SLC22A6: variants seen among roughly 807,000 people sequenced by gnomAD.
SLC22A6 encodes the protein PAH transporter.
Under a neutral mutation model 56.7 loss-of-function variants are expected in SLC22A6, and 45 were observed. The observed-to-expected ratio is 0.79, with a 90% CI of 0.63 to 1.02. The LOEUF is 1.02. Ranked by LOEUF, SLC22A6 falls within the 50% of genes least tolerant of loss-of-function variation. The probability of loss-of-function intolerance (pLI) is 0.00; values close to 1 mark genes in which losing one functional copy is unlikely to be tolerated. For synonymous variants in SLC22A6, 291 were observed against 295.9 expected (o/e 0.98, Z 0.17); for missense variants, 606 against 713.8 (o/e 0.85, Z 1.72).
At chr11:62,981,486 T>G in intron 4 of SLC22A6, 103 bp from the exon 5 acceptor site, 1 of 742,518 alleles carries the variant, frequency 1.3e-6, no homozygotes, top group Middle Eastern at 3.8e-4. Flanking sequence ...GGGATTTTAT[T>G]TAAGGTTGGG....
rs2135099950 is a variant in SLC22A6, at chr11:62,983,110, T to C, written c.628+427A>G. On this transcript the variant is annotated intron_variant, in intron 3 of 9. Coordinates refer to ENST00000360421, the MANE Select transcript of SLC22A6 (RefSeq NM_153276.3). The surrounding 1 kb of genome is among the most constrained non-coding windows in gnomAD (Gnocchi z 4.5). ...CCCAGGCTGGAGTGCAGTGGCGCAA[T>C]CTCCGCTCACTGAAAGCTCCGCCTC... Among the ~76,000 whole-genome samples, 1 of 151,460 alleles carries C rather than the reference T, an allele frequency of 6.6e-6. No individual in the cohort carries two copies. Among genetic ancestry groups the C allele is most frequent in the Middle Eastern group, 3.4e-3 (1 of 290 alleles).
At chr11:62,980,016 A>C in intron 6 of SLC22A6, 68 bp from the exon 7 acceptor site, 2 of 1,134,782 alleles carry the variant, frequency 1.8e-6, no homozygotes, top group Admixed American at 1.8e-5. Flanking sequence ...CTTTCAAAAC[A>C]GTGGGGGAAC....
rs1243976303 is a variant in SLC22A6, at chr11:62,979,828, G to A, written c.1158C>T (p.Phe386=). 2 of 1,614,080 alleles carry A rather than the reference G, an allele frequency of 1.2e-6. No individual in the cohort carries two copies. The highest frequency in any genetic ancestry group is 2.7e-5 in the African/African-American group (2 of 74,924). The part of the protein sequence containing the change: ...AVDLPAKLVG[F]LVINSLGRRP... ...GGCGACCCAGGGAGTTGATGACAAG[G>A]AAGCCCACAAGCTTGGCAGGCAGGT... The change falls in exon 7 of 10, where the codon TTC becomes TTT. Residue 386 remains phenylalanine, a synonymous_variant. Coordinates refer to ENST00000360421, the MANE Select transcript of SLC22A6 (RefSeq NM_153276.3).
intron 4 of SLC22A6, 140 bp from the exon 5 acceptor site, chr11:62,981,523 T>C (rs1248098717): frequency 3.1e-6 from 2 of 639,888 alleles, no homozygotes; most frequent in Non-Finnish European, 5.4e-6. Flanking sequence ...CAAATCCCTC[T>C]CTCTAGGACC....
In SLC22A6 at chr11:62,983,264, T is replaced by G. The variant is rs1415236748; in HGVS notation, c.628+273A>C. Among the ~76,000 whole-genome samples the G allele has an allele frequency of 2.0e-5, 3 of 152,166 alleles. No homozygotes were observed. The highest frequency in any genetic ancestry group is 4.4e-5 in the Non-Finnish European group (3 of 68,046). ...TTTCACCATGTTAGCCAGGATGGTC[T>G]CGATCTCCTGACCTCGTGATCTGCC... On this transcript the variant is annotated intron_variant, in intron 3 of 9. Transcript: ENST00000360421. The surrounding 1 kb of genome is among the most constrained non-coding windows in gnomAD (Gnocchi z 4.5).
rs987499794 is a variant in SLC22A6, at chr11:62,984,883, C to T, written c.-193G>A. ...TCCTTGGCTGCTCCTCCTTCTTCCC[C>T]GGTCTCCCTGATCTGTCCCTCCCTT... On this transcript the variant is annotated 5_prime_UTR_variant, in exon 1 of 10. Transcript: ENST00000360421. 34 of 602,690 alleles carry T rather than the reference C, an allele frequency of 5.6e-5. No homozygotes were observed. The highest frequency in any genetic ancestry group is 1.2e-4 in the Admixed American group (4 of 33,076). 37.3% of individuals were successfully genotyped at this position (602,690 alleles called of 1,614,324 possible). A position where few individuals can be genotyped will look rare whatever the true frequency, so the allele number is the denominator to read the frequency against.
At position 62,981,940 on chromosome 11, in the gene SLC22A6, G is replaced by T; in HGVS notation, c.699C>A (p.Gly233=). 6.2e-7 allele frequency: 1 copy of T among 1,614,118 alleles called. No homozygotes were observed. The change falls in exon 4 of 10, where the codon GGC becomes GGA. Residue 233 remains glycine (G), a synonymous_variant. Coordinates refer to ENST00000360421, the MANE Select transcript of SLC22A6 (RefSeq NM_153276.3). ...AGGCCACACCAGCCAGGAGGAACTG[G>T]CCCAGGCTGTAGACATAGCCAATCA... is the stretch of plus-strand genomic sequence containing the variant. ...GTLIGYVYSL[G]QFLLAGVAYA...
In SLC22A6 at chr11:62,976,948, C is replaced by G. The variant is rs545210159; in HGVS notation, c.1566-67G>C. 5 of 1,572,804 alleles carry G rather than the reference C, an allele frequency of 3.2e-6. No homozygotes were observed. The African/African-American group carries it at 6.7e-5, about 21-fold the overall frequency. On this transcript the variant is annotated intron_variant, in intron 9 of 9. Coordinates refer to ENST00000360421, the MANE Select transcript of SLC22A6 (RefSeq NM_153276.3). ...CCAGGCCAGGGCCGGGATATGGAGG[C>G]TCCCAGGGGGTCTCCGCTCAGCTAT...
rs753860246 is a variant in SLC22A6, at chr11:62,984,610, G to A, written c.81C>T (p.Pro27=). The A allele has an allele frequency of 6.2e-6, 10 of 1,613,542 alleles. No homozygotes were observed. Among genetic ancestry groups the A allele is most frequent in the East Asian group, 4.5e-5 (2 of 44,874 alleles). The stretch of plus-strand genomic sequence containing the variant: ...TGTTGTGAGAAGCCATCAGGAGCAG[G>A]GGGAGGACCACCAGGGTGACCTGGA... ...QQIQVTLVVL[P]LLLMASHNTL... The change falls in exon 1 of 10, where the codon CCC becomes CCT. Residue 27 remains proline (P), a synonymous_variant. Transcript: ENST00000360421.
Position 62,981,391 on chromosome 11 carries a change from CGGGGGT to C in SLC22A6, c.798-14_798-9del. 283 of 305,510 alleles carry C rather than the reference CGGGGGT, an allele frequency of 9.3e-4. No individual in the cohort carries two copies. The highest frequency in any genetic ancestry group is 1.3e-3 in the Non-Finnish European group (258 of 197,090). 18.9% of individuals were successfully genotyped at this position (305,510 alleles called of 1,614,324 possible). On this transcript the variant is annotated splice_polypyrimidine_tract_variant and intron_variant, in intron 4 of 9. Transcript: ENST00000360421. ...GCCGACTCAATGAAGAACCTGGGAG[CGGGGGT>C]GGGGGTGGGTGTCAGCATGGCTTCA...
chr11:62,981,435 TG>T, intron 4 of SLC22A6, 52 bp from the exon 5 acceptor site: 2 of 185,394 alleles, frequency 1.1e-5, no homozygotes, highest in Non-Finnish European at 8.4e-6. Flanking sequence ...TCCAGTCAGC[TG>T]GGTGGGGGGC....
rs756766644 is a variant in SLC22A6 at position 62,981,279 on chromosome 11, CCTT to C, written c.899_901del (p.Glu300del). 1.9e-6 allele frequency: 3 copies of C among 1,609,496 alleles called. No homozygotes were observed. The highest frequency in any genetic ancestry group is 2.5e-6 in the Non-Finnish European group (3 of 1,178,186). ...TCTCACCTCCATACTCAATTTGGCT[CCTT>C]CTTCCCGCTTCCCATTGATCCGGGC... On this transcript the variant is annotated inframe_deletion, in exon 5 of 10. Transcript: ENST00000360421.
rs1190816027 is a variant in SLC22A6, at chr11:62,979,893, C to T, written c.1093G>A (p.Val365Ile). The stretch of plus-strand genomic sequence containing the variant: ...ATCACCTGGATTAGGTAGATGCTGA[C>T]TCCAAAGCCCTGCAGGTCCATGACC... ...GLVMDLQGFG[V>I]SIYLIQVIFG... is the part of the protein sequence containing the mutation. The change falls in exon 7 of 10, where the codon GTC becomes ATC. Residue 365 changes from valine (V) to isoleucine (I), a missense_variant. By Grantham distance (29) the Val-to-Ile change is conservative. Coordinates refer to ENST00000360421, the MANE Select transcript of SLC22A6 (RefSeq NM_153276.3). The T allele has an allele frequency of 6.2e-7, 1 of 1,614,176 alleles. No homozygotes were observed. The highest frequency in any genetic ancestry group is 8.5e-7 in the Non-Finnish European group (1 of 1,180,030).
rs147795711 is a variant in SLC22A6 at position 62,984,486 on chromosome 11, G to C, written c.205C>G (p.Arg69Gly). 2.5e-6 allele frequency: 4 copies of C among 1,613,716 alleles called. No homozygotes were observed. The highest frequency in any genetic ancestry group is 3.4e-6 in the Non-Finnish European group (4 of 1,179,972). ...GACTCAGGCTGCCCCTGCCTGTCCCGGGGCAGCCAGACCTCCAGCCCCCCG... is the reference window on the plus strand; with the variant it reads ...GACTCAGGCTGCCCCTGCCTGTCCCCGGGCAGCCAGACCTCCAGCCCCCCG... ...KNGGLEVWLP[R>G]DRQGQPESCL... The change falls in exon 1 of 10, where the codon CGG (arginine) becomes GGG (glycine). Residue 69 changes from arginine (R) to glycine (G), a missense_variant. Arg to Gly is a moderately radical substitution (Grantham distance 125, BLOSUM62 -2). Coordinates refer to ENST00000360421, the MANE Select transcript of SLC22A6 (RefSeq NM_153276.3).
intron 4 of SLC22A6, 102 bp from the exon 5 acceptor site, chr11:62,981,485 T>G (rs2086255032): frequency 2.7e-6 from 2 of 746,146 alleles, no homozygotes; most frequent in Admixed American, 2.7e-5. Context: ...TGGGATTTTA[T>G]TTAAGGTTGG....
chr11:62,984,083 G>C, intron 1 of SLC22A6, 36 bp from the exon 2 acceptor site: 1 of 1,464,332 alleles, frequency 6.8e-7, no homozygotes, highest in Non-Finnish European at 9.5e-7. Context: ...GCAGAGATGA[G>C]CCTGGCTTCA....
chr11:62,984,843 G>T lies in SLC22A6; in HGVS notation c.-153C>A, dbSNP rs752245971. 49 of 735,972 alleles carry T rather than the reference G, an allele frequency of 6.7e-5. No individual in the cohort carries two copies. The highest frequency in any genetic ancestry group is 3.8e-4 in the Admixed American group (13 of 34,308). 45.6% of individuals were successfully genotyped at this position (735,972 alleles called of 1,614,324 possible). On this transcript the variant is annotated 5_prime_UTR_variant, in exon 1 of 10. Coordinates refer to ENST00000360421, the MANE Select transcript of SLC22A6 (RefSeq NM_153276.3). ...GGGAGCTGAGTCCGAGCTGCTCTGT[G>T]GGGGGACAGCAGCCTCCTTGGCTGC... is the stretch of plus-strand genomic sequence containing the variant.
chr11:62,981,987 T>G lies in SLC22A6; in HGVS notation c.652A>C (p.Thr218Pro), dbSNP rs1303319286. Residue 218 changes from threonine (T) to proline (P), a missense_variant, in exon 4 of 10, where the codon ACA (threonine) becomes CCA (proline). Transcript: ENST00000360421. The part of the protein sequence containing the change: ...TLNVEWMPIH[T>P]RACVGTLIGY... Reference sequence around the variant, plus strand: ...ATCAAGGTGCCCACGCAGGCCCGTGTGTGAATGGGCATCCACTCCACATCT... The same window carrying G: ...ATCAAGGTGCCCACGCAGGCCCGTGGGTGAATGGGCATCCACTCCACATCT... 1.2e-6 allele frequency: 2 copies of G among 1,613,962 alleles called. No homozygotes were observed. Among genetic ancestry groups the G allele is most frequent in the Non-Finnish European group, 1.7e-6 (2 of 1,179,944 alleles).
At chr11:62,977,538 C>T (rs1473787568) in intron 8 of SLC22A6, 151 bp from the exon 9 acceptor site, 12 of 961,452 alleles carry the variant, frequency 1.2e-5, no homozygotes, top group African/African-American at 1.2e-4. Flanking sequence ...ACCAATTTGG[C>T]GATTTTTTTT....
Sources: allele counts gnomAD v4.1 joint callset (sites outside exome capture counted in the v4.1 genomes callset), GRCh38; gene constraint gnomAD v4.1.1; non-coding constraint Gnocchi (gnomAD v3.1); transcripts MANE v1.5; gene names NCBI Gene and HGNC (gene_info 2026-07-23, HGNC 2026-07-21).